Variants in AASDHPPT observed in about 807,000 individuals in gnomAD.
AASDHPPT encodes the protein aminoadipate-semialdehyde dehydrogenase-phosphopantetheinyl transferase, also known as L-aminoadipate-semialdehyde dehydrogenase-phosphopantetheinyl transferase.
AASDHPPT carries 23 observed loss-of-function variants against 36.4 expected under a neutral mutation model. The ratio of observed to expected loss-of-function variants is 0.63; its 90% CI spans 0.45 to 0.89. The LOEUF (loss-of-function observed/expected upper bound fraction) is 0.89. Ranked by LOEUF, AASDHPPT falls within the 40% of genes least tolerant of loss-of-function variation. The pLI, the probability that AASDHPPT is intolerant of heterozygous loss-of-function variation, is 0.00. For synonymous variants in AASDHPPT, 115 were observed against 128.0 expected (o/e 0.90, Z 0.68); for missense variants, 377 against 378.2 (o/e 1.00, Z 0.03).
intron 2 of AASDHPPT, among the ~76,000 whole-genome samples, chr11:106,083,490 AC>A (rs1430576505): frequency 1.3e-5 from 2 of 152,330 alleles, no homozygotes; most frequent in Non-Finnish European, 2.9e-5. Flanking sequence ...AAACTGGGTT[AC>A]ATACATTTAA....
Position 106,079,569 on chromosome 11 carries a change from A to G in AASDHPPT, c.286A>G (p.Lys96Glu), listed in dbSNP as rs372240914. The G allele has an allele frequency of 8.5e-5, 137 of 1,614,076 alleles. No individual in the cohort carries two copies. The highest frequency in any genetic ancestry group is 1.1e-4 in the Non-Finnish European group (131 of 1,180,020). The part of the protein sequence containing the change: ...RTAKGKPVLA[K>E]DSSNPYPNFN... The stretch of plus-strand genomic sequence containing the variant: ...TGCAAAAGGAAAACCAGTTCTTGCA[A>G]AGGACTCATCGAATCCTTACCCGAA... Residue 96 changes from lysine (K) to glutamate (E), a missense_variant, in exon 2 of 6, where the codon AAG (lysine) becomes GAG (glutamate). Lys to Glu is a moderately conservative substitution (Grantham distance 56). Transcript: ENST00000278618.
At chr11:106,083,530 A>G (rs909614421) in intron 2 of AASDHPPT, among the ~76,000 whole-genome samples, 1 of 152,216 alleles carries the variant, frequency 6.6e-6, no homozygotes, top group African/African-American at 2.4e-5. Flanking sequence ...AATGACTAGG[A>G]ATATGAAAAA....
At chr11:106,095,118 C>T (rs1214624193) in intron 5 of AASDHPPT, among the ~76,000 whole-genome samples, 1 of 152,012 alleles carries the variant, frequency 6.6e-6, no homozygotes, top group Non-Finnish European at 1.5e-5. Flanking sequence ...AAGCGAAACT[C>T]CGTCTCAAAA....
At chr11:106,084,030 G>A (rs1861171339) in intron 2 of AASDHPPT, among the ~76,000 whole-genome samples, 1 of 152,076 alleles carries the variant, frequency 6.6e-6, no homozygotes, top group African/African-American at 2.4e-5. Context: ...CTTCTATGAA[G>A]TGATTAGAAA....
chr11:106,090,219 G>C (rs1861241670), intron 2 of AASDHPPT, among the ~76,000 whole-genome samples: 1 of 151,846 alleles, frequency 6.6e-6, no homozygotes. Flanking sequence ...ATTTATAACA[G>C]CTTTGGCTGC....
intron 4 of AASDHPPT, 48 bp from the exon 5 acceptor site, chr11:106,094,535 A>T: frequency 7.4e-7 from 1 of 1,345,076 alleles, no homozygotes; most frequent in Non-Finnish European, 1.0e-6. Context: ...AGTTACATCT[A>T]GGTTTACATA....
chr11:106,078,074 A>G (rs1861083625), intron 1 of AASDHPPT, among the ~76,000 whole-genome samples, 181 bp downstream of exon 1: 1 of 152,180 alleles, frequency 6.6e-6, no homozygotes, highest in Non-Finnish European at 1.5e-5. Flanking sequence ...CCTGGTTTCC[A>G]CGGCCTTTGT....
At position 106,098,624 on chromosome 11, in the gene AASDHPPT, T is replaced by C. The variant is rs1178153437; in HGVS notation, c.*1717T>C. The C allele has an allele frequency of 6.6e-6, 1 of 152,016 alleles. No homozygotes were observed. The highest frequency in any genetic ancestry group is 1.5e-5 in the Non-Finnish European group (1 of 67,948). 9.4% of individuals were successfully genotyped at this position (152,016 alleles called of 1,614,324 possible). On this transcript the variant is annotated 3_prime_UTR_variant, in exon 6 of 6. Transcript: ENST00000278618. The stretch of plus-strand genomic sequence containing the variant: ...AGAGGAAGTATTGTTATCCCTAGCA[T>C]GAGTGTAATGGTGATATGAAAAACT...
At chr11:106,088,208 T>C (rs1861216429) in intron 2 of AASDHPPT, among the ~76,000 whole-genome samples, 1 of 152,166 alleles carries the variant, frequency 6.6e-6, no homozygotes, top group Non-Finnish European at 1.5e-5. Flanking sequence ...TTGTGCCAGA[T>C]TGATTGCCTT....
chr11:106,095,662 C>T (rs375692791), intron 5 of AASDHPPT: 11 of 152,196 alleles, frequency 7.2e-5, no homozygotes, highest in African/African-American at 2.6e-4. Flanking sequence ...AATATATATG[C>T]ATCGTTACTT....
rs1211629992 is a variant in AASDHPPT at position 106,091,358 on chromosome 11, G to C, written c.574G>C (p.Gly192Arg). 1 of 1,609,204 alleles carries C rather than the reference G, an allele frequency of 6.2e-7. No individual in the cohort carries two copies. Among genetic ancestry groups the C allele is most frequent in the Non-Finnish European group, 8.5e-7 (1 of 1,178,070 alleles). The stretch of plus-strand genomic sequence containing the variant: ...CATAAAAGCCATTGGTGTTGGACTA[G>C]GATTTGAATTGCAGCGGCTTGAATT... ...SFIKAIGVGL[G>R]FELQRLEFDL... The change falls in exon 4 of 6, where the codon GGA becomes CGA. Residue 192 changes from glycine to arginine, a missense_variant. Coordinates refer to ENST00000278618, the MANE Select transcript of AASDHPPT (RefSeq NM_015423.3).
Position 106,091,538 on chromosome 11 carries a change from G to A in AASDHPPT, c.693+61G>A, listed in dbSNP as rs780705468. 370 of 1,474,050 alleles carry A rather than the reference G, an allele frequency of 2.5e-4. 1 individual carries two copies. Among genetic ancestry groups the A allele is most frequent in the South Asian group, 5.7e-4 (40 of 70,434 alleles). The allele number at this position is 1,474,050 out of a possible 1,614,324, so 91.3% of individuals were successfully genotyped here. On this transcript the variant is annotated intron_variant, in intron 4 of 5. Coordinates refer to ENST00000278618, the MANE Select transcript of AASDHPPT (RefSeq NM_015423.3). ...TTCTATTTTTTATGCATGTATGTGTGATTAATTTGGGTAAGCTAGTCACTG... is the reference window on the plus strand; with the variant it reads ...TTCTATTTTTTATGCATGTATGTGTAATTAATTTGGGTAAGCTAGTCACTG...
chr11:106,079,735 G>T, intron 2 of AASDHPPT, 43 bp downstream of exon 2: 1 of 1,517,490 alleles, frequency 6.6e-7, no homozygotes. Context: ...GTGTCTCGAT[G>T]CCTCAGTTCT....
Position 106,077,676 on chromosome 11 carries a change from A to C in AASDHPPT, c.-35A>C. Reference sequence around the variant, plus strand: ...GGGCCACGTTTGCGTCCGCGCCATCAGGCCCGAGATAGCGGCGAGGTCCGC... The same window carrying C: ...GGGCCACGTTTGCGTCCGCGCCATCCGGCCCGAGATAGCGGCGAGGTCCGC... On this transcript the variant is annotated 5_prime_UTR_variant, in exon 1 of 6. Coordinates refer to ENST00000278618, the MANE Select transcript of AASDHPPT (RefSeq NM_015423.3). The C allele has an allele frequency of 6.3e-7, 1 of 1,595,320 alleles. No individual in the cohort carries two copies.
chr11:106,081,054 C>T (rs1468615058), intron 2 of AASDHPPT, among the ~76,000 whole-genome samples: 1 of 152,192 alleles, frequency 6.6e-6, no homozygotes, highest in Non-Finnish European at 1.5e-5. Flanking sequence ...AGAGCAAGAA[C>T]CATGTTAGCC....
intron 4 of AASDHPPT, chr11:106,093,883 T>C (rs1237932952): frequency 1.3e-5 from 2 of 151,998 alleles, no homozygotes; most frequent in East Asian, 3.9e-4. Flanking sequence ...TGATAGTATG[T>C]AGTTTACTAA....
chr11:106,079,568 A>G lies in AASDHPPT; in HGVS notation c.285A>G (p.Ala95=), dbSNP rs769271008. 1 of 1,614,166 alleles carries G rather than the reference A, an allele frequency of 6.2e-7. No individual in the cohort carries two copies. Among genetic ancestry groups the G allele is most frequent in the Admixed American group, 1.7e-5 (1 of 60,024 alleles). Residue 95 remains alanine (A), a synonymous_variant, in exon 2 of 6, where the codon GCA becomes GCG. Transcript: ENST00000278618. The part of the protein sequence containing the change: ...QRTAKGKPVL[A]KDSSNPYPNF... ...CTGCAAAAGGAAAACCAGTTCTTGC[A>G]AAGGACTCATCGAATCCTTACCCGA... is the stretch of plus-strand genomic sequence containing the variant.
At chr11:106,079,789 T>C (rs1227479730) in intron 2 of AASDHPPT, 97 bp downstream of exon 2, 5 of 1,112,974 alleles carry the variant, frequency 4.5e-6, no homozygotes, top group Non-Finnish European at 6.5e-6. Context: ...ATTAGAGATA[T>C]TTCAGTTTAG....
chr11:106,094,681 C>A, intron 5 of AASDHPPT, 27 bp downstream of exon 5: 1 of 1,540,284 alleles, frequency 6.5e-7, no homozygotes, highest in Non-Finnish European at 8.9e-7. Flanking sequence ...TCTCTTTTTT[C>A]TAAATAGCAT....
Sources: allele counts gnomAD v4.1 joint callset (sites outside exome capture counted in the v4.1 genomes callset), GRCh38; gene constraint gnomAD v4.1.1; transcripts MANE v1.5; gene names NCBI Gene and HGNC (gene_info 2026-07-23, HGNC 2026-07-21).